The following EXOC6B variants were observed in gnomAD, a reference collection of about 807,000 sequenced individuals.
EXOC6B encodes the protein exocyst complex component 6B, also known as SEC15 homolog B.
A neutral mutation model predicts 113.5 loss-of-function variants in EXOC6B; 54 were observed. That is an observed-to-expected ratio of 0.48 (90% confidence interval 0.38 to 0.60). EXOC6B has a LOEUF of 0.60. EXOC6B is among the 20% of genes least tolerant of loss of function. The probability of loss-of-function intolerance (pLI) is 0.00; values close to 1 mark genes in which losing one functional copy is unlikely to be tolerated. For missense variants in EXOC6B, 797 were observed against 977.5 expected (o/e 0.82, Z 2.46); for synonymous variants, 357 against 339.0 (o/e 1.05, Z -0.58).
At chr2:72,296,233 T>C (rs1008748911) in intron 20 of EXOC6B, among the ~76,000 whole-genome samples, 1 of 152,178 alleles carries the variant, frequency 6.6e-6, no homozygotes, top group Admixed American at 6.5e-5. Flanking sequence ...GTTTCTAATG[T>C]GATATAGTAT....
At chr2:72,214,995 T>C (rs1022183065) in intron 20 of EXOC6B, among the ~76,000 whole-genome samples, 17 of 152,318 alleles carry the variant, frequency 1.1e-4, no homozygotes, top group Non-Finnish European at 2.5e-4. Context: ...TTCACAATGA[T>C]CCATCTTTCA....
At chr2:72,533,569 T>A (rs571050385) in intron 8 of EXOC6B, among the ~76,000 whole-genome samples, 1 of 152,348 alleles carries the variant, frequency 6.6e-6, no homozygotes, top group African/African-American at 2.4e-5. Context: ...CCAGTCATTT[T>A]TCTAAGCCAA....
intron 20 of EXOC6B, among the ~76,000 whole-genome samples, chr2:72,286,400 A>G (rs751988536): frequency 2.0e-5 from 3 of 152,192 alleles, no homozygotes; most frequent in Non-Finnish European, 2.9e-5. Context: ...AGTCTAATAA[A>G]GGTTACATAC....
chr2:72,234,458 A>G (rs956925779), intron 20 of EXOC6B, among the ~76,000 whole-genome samples: 1 of 152,032 alleles, frequency 6.6e-6, no homozygotes, highest in Non-Finnish European at 1.5e-5. Flanking sequence ...AACTATAAAA[A>G]CCCTGGAAGA....
intron 17 of EXOC6B, among the ~76,000 whole-genome samples, chr2:72,478,031 A>G (rs926592608): frequency 6.6e-6 from 1 of 152,148 alleles, no homozygotes; most frequent in African/African-American, 2.4e-5. Flanking sequence ...TAGACACTGT[A>G]TTAAAACTTG....
rs1553462592 is a variant in EXOC6B at position 72,189,860 on chromosome 2, C to CTTTCTTTTTTTTTT, written c.2197-5674_2197-5673insAAAAAAAAAAGAAA. 1.0e-3 allele frequency among the ~76,000 whole-genome samples: 91 copies of CTTTCTTTTTTTTTT among 87,214 alleles called. 2 individuals are homozygous for CTTTCTTTTTTTTTT. Among genetic ancestry groups the CTTTCTTTTTTTTTT allele is most frequent in the Middle Eastern group, 6.3e-3 (1 of 160 alleles). The allele number at this position is 87,214 out of a possible 152,430, so 57.2% of individuals were successfully genotyped here. On this transcript the variant is annotated intron_variant, in intron 20 of 21. Transcript: ENST00000272427. ...TCTCTCTCTCTTTCTCCTTCTTCTT[C>CTTTCTTTTTTTTTT]TTTTTTTTTTTTTTTTTTTTGAGGC...
At chr2:72,432,394 A>G (rs6741956) in intron 18 of EXOC6B, among the ~76,000 whole-genome samples, 11,356 of 152,210 alleles carry the variant, frequency 0.075, 499 homozygotes, top group Non-Finnish European at 0.11. Context: ...ATACATGTAC[A>G]TGTGTCTTTA....
intron 20 of EXOC6B, among the ~76,000 whole-genome samples, chr2:72,305,274 T>G (rs1248967970): frequency 6.6e-6 from 1 of 152,154 alleles, no homozygotes; most frequent in Admixed American, 6.6e-5. Flanking sequence ...GGAAACTTAC[T>G]TATTTCATGG....
chr2:72,810,843 C>G (rs1311485582), intron 1 of EXOC6B, among the ~76,000 whole-genome samples: 1 of 151,992 alleles, frequency 6.6e-6, no homozygotes, highest in Non-Finnish European at 1.5e-5. Context: ...CACTTGAGTC[C>G]AGGAGTTCAA....
intron 1 of EXOC6B, among the ~76,000 whole-genome samples, chr2:72,751,239 T>A (rs908284830): frequency 2.6e-5 from 4 of 152,222 alleles, no homozygotes; most frequent in African/African-American, 7.2e-5. Context: ...TAGAAAGACA[T>A]AATACATCAA....
chr2:72,633,391 A>G (rs769588292), intron 6 of EXOC6B, among the ~76,000 whole-genome samples: 20 of 152,188 alleles, frequency 1.3e-4, no homozygotes, highest in Non-Finnish European at 2.6e-4. Flanking sequence ...AGGCAGGATC[A>G]TACAATGTAT....
chr2:72,500,722 G>A (rs1017483019), intron 11 of EXOC6B, among the ~76,000 whole-genome samples: 1 of 151,936 alleles, frequency 6.6e-6, no homozygotes, highest in Non-Finnish European at 1.5e-5. Flanking sequence ...AATTTCTGTG[G>A]GCAGGATACA....
intron 6 of EXOC6B, among the ~76,000 whole-genome samples, chr2:72,650,815 C>T (rs566477010): frequency 2.0e-5 from 3 of 151,492 alleles, no homozygotes; most frequent in Non-Finnish European, 4.4e-5. Context: ...GAAATCAGAT[C>T]CTTCGACATA....
intron 18 of EXOC6B, among the ~76,000 whole-genome samples, chr2:72,400,606 T>A (rs1371166467): frequency 7.3e-6 from 1 of 137,560 alleles, no homozygotes; most frequent in East Asian, 2.2e-4. Context: ...AAAAAATAAA[T>A]AACCCCATTA....
chr2:72,741,202 T>C, intron 2 of EXOC6B, 102 bp downstream of exon 2: 1 of 1,151,372 alleles, frequency 8.7e-7, no homozygotes, highest in Non-Finnish European at 1.2e-6. Context: ...TACAAAAATC[T>C]TCACTACAAA....
intron 8 of EXOC6B, among the ~76,000 whole-genome samples, chr2:72,546,211 G>A (rs1573365888): frequency 6.6e-6 from 1 of 152,182 alleles, no homozygotes; most frequent in Non-Finnish European, 1.5e-5. Context: ...CACTTTGGGA[G>A]GCCGAGGTGG....
chr2:72,758,997 C>A (rs1682599974), intron 1 of EXOC6B, among the ~76,000 whole-genome samples: 1 of 152,190 alleles, frequency 6.6e-6, no homozygotes, highest in Non-Finnish European at 1.5e-5. Context: ...TTCCAGCAGT[C>A]ACTTTTCTTT....
chr2:72,337,910 T>A lies in EXOC6B; in HGVS notation c.2123-2890A>T, dbSNP rs548986922. Among the ~76,000 whole-genome samples the A allele has an allele frequency of 3.3e-5, 5 of 152,262 alleles. No homozygotes were observed. In the South Asian group the frequency reaches 1.0e-3, roughly 32 times the overall value. ...TAGTAGATGTTCAACCAATATTGTG[T>A]TTTAGTTAAATAAGTTACACAAATA... is the stretch of plus-strand genomic sequence containing the variant. On this transcript the variant is annotated intron_variant, in intron 19 of 21. Coordinates refer to ENST00000272427, the MANE Select transcript of EXOC6B (RefSeq NM_015189.3).
At chr2:72,183,241 T>G (rs1169273492) in intron 21 of EXOC6B, among the ~76,000 whole-genome samples, 1 of 152,226 alleles carries the variant, frequency 6.6e-6, no homozygotes, top group Non-Finnish European at 1.5e-5. Context: ...CAGGGCATTC[T>G]TCCAAGTAGC....
Sources: allele counts gnomAD v4.1 joint callset (sites outside exome capture counted in the v4.1 genomes callset), GRCh38; gene constraint gnomAD v4.1.1; transcripts MANE v1.5; gene names NCBI Gene and HGNC (gene_info 2026-07-23, HGNC 2026-07-21).